The following TTN variants were observed in gnomAD, a reference collection of about 807,000 sequenced individuals.
TTN encodes connectin.
A neutral mutation model predicts 3,223.0 loss-of-function variants in TTN; 1,525 were observed. That is an observed-to-expected ratio of 0.47 (90% CI 0.45 to 0.49). The LOEUF (loss-of-function observed/expected upper bound fraction) is 0.49. Ranked by LOEUF, TTN falls within the 20% of genes least tolerant of loss-of-function variation. The probability of loss-of-function intolerance (pLI) is 0.00; values close to 1 mark genes in which losing one functional copy is unlikely to be tolerated. For synonymous variants in TTN, 14,094 were observed against 15,161.0 expected (o/e 0.93, Z 5.17); for missense variants, 40,786 against 43,424.0 (o/e 0.94, Z 5.40).
rs757393270 is a variant in TTN at position 178,732,076 on chromosome 2, T to G, written c.16893A>C (p.Val5631=). The part of the protein sequence containing the change: ...EAGSDHCSSI[V]IVKESPYFTK... ...AAAGTGAACACAAACCTTTGACTAT[T>G]ACAATGCTACTGCAGTGGTCACTGC... is the stretch of plus-strand genomic sequence containing the variant. The change falls in exon 57 of 363, where the codon GTA becomes GTC. Residue 5631 remains valine, a synonymous_variant. Transcript: ENST00000589042. 1 of 1,604,958 alleles carries G rather than the reference T, an allele frequency of 6.2e-7. No individual in the cohort carries two copies. Among genetic ancestry groups the G allele is most frequent in the Non-Finnish European group, 8.5e-7 (1 of 1,173,904 alleles).
chr2:178,575,297 C>A lies in TTN; in HGVS notation c.70835G>T (p.Gly23612Val), dbSNP rs1273610292. The A allele has an allele frequency of 1.2e-6, 2 of 1,613,304 alleles. No homozygotes were observed. The highest frequency in any genetic ancestry group is 1.7e-5 in the Admixed American group (1 of 59,966). ...TFQVMAVNSA[G>V]RSAPRESRPV... ...TCTGCTTTCTCTAGGGGCACTTCTC[C>A]CCGCGCTGTTCACTGCCATCACTTG... The change falls in exon 326 of 363, where the codon GGG (glycine) becomes GTG (valine). Residue 23612 changes from glycine (G) to valine (V), a missense_variant. Coordinates refer to ENST00000589042, the MANE Select transcript of TTN (RefSeq NM_001267550.2). The surrounding 1 kb of genome is among the most constrained non-coding windows in gnomAD (Gnocchi z 4.0).
intron 78 of TTN, among the ~76,000 whole-genome samples, 160 bp downstream of exon 78, chr2:178,721,687 G>T (rs1420863350): frequency 2.0e-5 from 3 of 152,082 alleles, no homozygotes; most frequent in African/African-American, 7.2e-5. Flanking sequence ...AATATAAAGA[G>T]AAAACACAAC....
intron 224 of TTN, among the ~76,000 whole-genome samples, 182 bp downstream of exon 224, chr2:178,637,187 A>ATATATG (rs1553749552): frequency 1.6e-5 from 2 of 125,310 alleles, no homozygotes; most frequent in African/African-American, 6.1e-5. Flanking sequence ...ATATATATAT[A>ATATATG]TATCTCCTTG....
At chr2:178,584,165 C>T in intron 311 of TTN, 111 bp downstream of exon 311, 3 of 1,268,110 alleles carry the variant, frequency 2.4e-6, no homozygotes, top group Non-Finnish European at 3.2e-6. Context: ...TTGTAATCTT[C>T]AGATCTCTAC....
Position 178,588,234 on chromosome 2 carries a change from T to C in TTN, c.63188-15A>G. 1 of 1,538,388 alleles carries C rather than the reference T, an allele frequency of 6.5e-7. No individual in the cohort carries two copies. The highest frequency in any genetic ancestry group is 8.8e-7 in the Non-Finnish European group (1 of 1,139,770). ...ACCAGGTGGCTCTGAAAGTAAAATA[T>C]ACATATAGTTAACTACTACTAGTGA... On this transcript the variant is annotated splice_polypyrimidine_tract_variant and intron_variant, in intron 304 of 362. Transcript: ENST00000589042.
Position 178,735,742 on chromosome 2 carries a change from T to G in TTN, c.14704A>C (p.Asn4902His), listed in dbSNP as rs1461011434. 1 of 1,613,694 alleles carries G rather than the reference T, an allele frequency of 6.2e-7. No homozygotes were observed. Among genetic ancestry groups the G allele is most frequent in the Non-Finnish European group, 8.5e-7 (1 of 1,179,814 alleles). The change falls in exon 50 of 363, where the codon AAT becomes CAT. Residue 4902 changes from asparagine (N) to histidine (H), a missense_variant. Asn to His is a moderately conservative substitution (Grantham distance 68). Coordinates refer to ENST00000589042, the MANE Select transcript of TTN (RefSeq NM_001267550.2). ...KELEPVQSAI[N>H]KKVHLECQVD... ...TGGCACTCAAGGTGGACCTTCTTAT[T>G]GATAGCGGACTGCACAGGCTCTAAT...
chr2:178,732,085 A>G lies in TTN; in HGVS notation c.16884T>C (p.Ser5628=). 2 of 1,610,542 alleles carry G rather than the reference A, an allele frequency of 1.2e-6. No individual in the cohort carries two copies. Among genetic ancestry groups the G allele is most frequent in the Non-Finnish European group, 1.7e-6 (2 of 1,177,600 alleles). Residue 5628 remains serine, a synonymous_variant, in exon 57 of 363, where the codon AGT becomes AGC. Coordinates refer to ENST00000589042, the MANE Select transcript of TTN (RefSeq NM_001267550.2). ...AQNEAGSDHC[S]SIVIVKESPY... is the part of the protein sequence containing the mutation. ...ACAAACCTTTGACTATTACAATGCT[A>G]CTGCAGTGGTCACTGCCAGCCTCAT...
At position 178,759,096 on chromosome 2, in the gene TTN, G is replaced by A; in HGVS notation, c.10191C>T (p.Asp3397=). ...SRFFRMTQFE[D]TYQLEIAEAY... is the part of the protein sequence containing the mutation. ...CTTCGGCAATTTCCAGTTGATAAGT[G>A]TCTTCAAATTGAGTCATTCTAAAGA... The change falls in exon 44 of 363, where the codon GAC becomes GAT. Residue 3397 remains aspartate (D), a synonymous_variant. Coordinates refer to ENST00000589042, the MANE Select transcript of TTN (RefSeq NM_001267550.2). 1.2e-6 allele frequency: 2 copies of A among 1,613,936 alleles called. No homozygotes were observed. Among genetic ancestry groups the A allele is most frequent in the South Asian group, 1.1e-5 (1 of 91,072 alleles).
chr2:178,547,656 C>A lies in TTN; in HGVS notation c.93970G>T (p.Glu31324Ter). The A allele has an allele frequency of 6.2e-7, 1 of 1,613,904 alleles. No individual in the cohort carries two copies. The highest frequency in any genetic ancestry group is 8.5e-7 in the Non-Finnish European group (1 of 1,179,820). ...TCTCCCCATGACAGGACACACGATTCAGCTGAGACAGATGAGACCTCAATG... is the reference window on the plus strand; with the variant it reads ...TCTCCCCATGACAGGACACACGATTAAGCTGAGACAGATGAGACCTCAATG... Reference protein sequence around the residue: ...GPIEVSSVSAESCVLSWGEPK... With the variant: ...GPIEVSSVSA The change falls in exon 339 of 363, where the codon GAA becomes TAA. Residue 31324 changes from glutamate (E) to a stop codon, truncating the protein, a stop_gained. Coordinates refer to ENST00000589042, the MANE Select transcript of TTN (RefSeq NM_001267550.2). LOFTEE classifies it high-confidence loss of function.
At position 178,775,600 on chromosome 2, in the gene TTN, T is replaced by G. The variant is rs2092135574; in HGVS notation, c.6264A>C (p.Thr2088=). Residue 2088 remains threonine, a synonymous_variant, in exon 28 of 363, where the codon ACA becomes ACC. Transcript: ENST00000589042. ...AGTGTGCATCAGATCCTTGGCCCAC[T>G]GTTTGGCTCTGGATTCTTTCGAAGA... ...PKIFERIQSQ[T]VGQGSDAHFR... The G allele has an allele frequency of 1.9e-6, 3 of 1,614,016 alleles. No homozygotes were observed. The highest frequency in any genetic ancestry group is 1.7e-5 in the Admixed American group (1 of 59,990).
chr2:178,550,756 T>A (rs1346080458), intron 336 of TTN: 2 of 568,818 alleles, frequency 3.5e-6, no homozygotes, highest in Non-Finnish European at 6.1e-6. Flanking sequence ...TGCATGCTCT[T>A]TATATGGGAA....
intron 16 of TTN, 75 bp from the exon 17 acceptor site, chr2:178,783,860 C>A: frequency 9.1e-7 from 1 of 1,098,578 alleles, no homozygotes; most frequent in Non-Finnish European, 1.3e-6. Context: ...GCTCATGCAA[C>A]ATTATATAAT....
At chr2:178,762,439 G>T (rs1176349997) in intron 43 of TTN, among the ~76,000 whole-genome samples, 1 of 152,124 alleles carries the variant, frequency 6.6e-6, no homozygotes, top group Admixed American at 6.6e-5. Flanking sequence ...CCCAATTGGT[G>T]TCTTGTAGAG....
rs1192243429 is a variant in TTN, at chr2:178,773,238, A to G, written c.7726T>C (p.Ser2576Pro). ...NFKDKEIKPS[S>P]KYKIEAHGKI... ...CCATGTGCTTCAATTTTATATTTAG[A>G]ACTGGGCTTGATTTCCTTGTCCTTA... Residue 2576 changes from serine to proline, a missense_variant, in exon 33 of 363, where the codon TCT (serine) becomes CCT (proline). By Grantham distance (74) the Ser-to-Pro change is moderately conservative. Coordinates refer to ENST00000589042, the MANE Select transcript of TTN (RefSeq NM_001267550.2). The G allele has an allele frequency of 6.2e-7, 1 of 1,613,764 alleles. No homozygotes were observed. Among genetic ancestry groups the G allele is most frequent in the Admixed American group, 1.7e-5 (1 of 59,950 alleles).
chr2:178,696,914 C>G (rs1025002747), intron 113 of TTN, among the ~76,000 whole-genome samples: 1 of 151,988 alleles, frequency 6.6e-6, no homozygotes, highest in Admixed American at 6.6e-5. Context: ...GACCATTGCA[C>G]AGAGGCAGCA....
Position 178,732,450 on chromosome 2 carries a change from C to A in TTN, c.16611G>T (p.Leu5537Phe), listed in dbSNP as rs763076529. Residue 5537 changes from leucine (L) to phenylalanine (F), a missense_variant, in exon 56 of 363, where the codon TTG becomes TTT. Transcript: ENST00000589042. ...VAGGVECSAN[L>F]FVKEPATFVE... ...GAAAACAATGCAAACCTTTTACAAA[C>A]AAGTTTGCACTGCATTCCACCCCTC... 6.2e-7 allele frequency: 1 copy of A among 1,600,028 alleles called. No individual in the cohort carries two copies. Among genetic ancestry groups the A allele is most frequent in the Non-Finnish European group, 8.5e-7 (1 of 1,171,798 alleles).
rs750948702 is a variant in TTN at position 178,539,045 on chromosome 2, G to C, written c.98890C>G (p.Pro32964Ala). The stretch of plus-strand genomic sequence containing the variant: ...ATGCGGAACTGATACTCAGCATCGG[G>C]AACAAGCCCTGTGACAGTGTACATT... ...TTMYTVTGLV[P>A]DAEYQFRIIA... is the part of the protein sequence containing the mutation. Residue 32964 changes from proline to alanine, a missense_variant, in exon 353 of 363, where the codon CCC becomes GCC. Coordinates refer to ENST00000589042, the MANE Select transcript of TTN (RefSeq NM_001267550.2). 17 of 1,613,792 alleles carry C rather than the reference G, an allele frequency of 1.1e-5. No individual in the cohort carries two copies. Among genetic ancestry groups the C allele is most frequent in the Non-Finnish European group, 1.4e-5 (17 of 1,179,736 alleles).
Position 178,614,617 on chromosome 2 carries a change from C to G in TTN, c.48897G>C (p.Leu16299=). 6.2e-7 allele frequency: 1 copy of G among 1,612,414 alleles called. No homozygotes were observed. The highest frequency in any genetic ancestry group is 1.1e-5 in the South Asian group (1 of 91,028). The part of the protein sequence containing the change: ...KITWTKADMI[L]KQDKRITIEN... ...CAATGGTAATTCTTTTGTCCTGCTTCAGAATCATATCAGCCTTTGTCCAAG... is the reference window on the plus strand; with the variant it reads ...CAATGGTAATTCTTTTGTCCTGCTTGAGAATCATATCAGCCTTTGTCCAAG... Residue 16299 remains leucine, a synonymous_variant, in exon 261 of 363, where the codon CTG becomes CTC. Coordinates refer to ENST00000589042, the MANE Select transcript of TTN (RefSeq NM_001267550.2).
chr2:178,793,483 G>T lies in TTN; in HGVS notation c.1457C>A (p.Ala486Asp). 1 of 1,614,044 alleles carries T rather than the reference G, an allele frequency of 6.2e-7. No homozygotes were observed. Among genetic ancestry groups the T allele is most frequent in the Non-Finnish European group, 8.5e-7 (1 of 1,180,004 alleles). Residue 486 changes from alanine (A) to aspartate (D), a missense_variant, in exon 9 of 363, where the codon GCC (alanine) becomes GAC (aspartate). Ala to Asp is a moderately radical substitution (Grantham distance 126, BLOSUM62 -2). Coordinates refer to ENST00000589042, the MANE Select transcript of TTN (RefSeq NM_001267550.2). ...VTKVVVAADK[A>D]KEQELKSRTK... ...TCTTGATTTTAATTCTTGTTCCTTG[G>T]CTTTATCGGCGGCCACTACTACCTT...
Sources: allele counts gnomAD v4.1 joint callset (sites outside exome capture counted in the v4.1 genomes callset), GRCh38; gene constraint gnomAD v4.1.1; non-coding constraint Gnocchi (gnomAD v3.1); transcripts MANE v1.5; gene names NCBI Gene and HGNC (gene_info 2026-07-23, HGNC 2026-07-21).